EPB41L3: variants seen among roughly 807,000 people sequenced by gnomAD.
The protein encoded by EPB41L3 is band 4.1-like protein 3.
A neutral mutation model predicts 127.1 loss-of-function variants in EPB41L3; 57 were observed. The ratio of observed to expected loss-of-function variants is 0.45; its 90% CI spans 0.36 to 0.56. The LOEUF is 0.56. Ranked by LOEUF, EPB41L3 falls within the 20% of genes least tolerant of loss-of-function variation. The pLI is 0.00. For synonymous variants in EPB41L3, 572 were observed against 549.5 expected (o/e 1.04, Z -0.57); for missense variants, 1,273 against 1,372.2 (o/e 0.93, Z 1.14).
chr18:5,599,966 C>A (rs1172020217), intron 3 of EPB41L3, among the ~76,000 whole-genome samples: 3 of 152,062 alleles, frequency 2.0e-5, no homozygotes, highest in Non-Finnish European at 2.9e-5. Context: ...AAATTGAATA[C>A]CGTGATACAG....
rs2094849288 is a variant in EPB41L3, at chr18:5,620,594, T to C, written c.-467-6171A>G. Among the ~76,000 whole-genome samples the C allele has an allele frequency of 4.6e-5, 7 of 152,326 alleles. No homozygotes were observed. In the South Asian group the frequency reaches 1.5e-3, roughly 32 times the overall value. On this transcript the variant is annotated intron_variant, in intron 1 of 21. Coordinates refer to the EPB41L3 transcript ENST00000545076. The stretch of plus-strand genomic sequence containing the variant: ...AAATTACTCATCCTTTATAATAATG[T>C]AGATGATGTTGTAACATGACAATAT...
chr18:5,395,772 CG>C, intron 19 of EPB41L3, 65 bp from the exon 20 acceptor site: 1 of 1,296,914 alleles, frequency 7.7e-7, no homozygotes. Context: ...AAGTTGGCTA[CG>C]TTATTTAAGG....
intron 1 of EPB41L3, among the ~76,000 whole-genome samples, chr18:5,533,602 C>CAGGA (rs1678551401): frequency 6.6e-6 from 1 of 152,096 alleles, no homozygotes; most frequent in Non-Finnish European, 1.5e-5. Flanking sequence ...TTTTGACCAG[C>CAGGA]AGGATCACAT....
chr18:5,584,061 C>A (rs983464374), intron 3 of EPB41L3, among the ~76,000 whole-genome samples: 1 of 152,206 alleles, frequency 6.6e-6, no homozygotes, highest in South Asian at 2.1e-4. Context: ...GCCTGCCTCC[C>A]AAAGTGCTAG....
chr18:5,544,952 ATTT>A (rs533954383), upstream of EPB41L3, among the ~76,000 whole-genome samples: 1,005 of 152,208 alleles, frequency 6.6e-3, 15 homozygotes, highest in African/African-American at 0.023. Flanking sequence ...AAAATATTAA[ATTT>A]TTTTAATTTT....
At chr18:5,524,119 G>A (rs373497131) in intron 1 of EPB41L3, among the ~76,000 whole-genome samples, 1 of 151,748 alleles carries the variant, frequency 6.6e-6, no homozygotes, top group Non-Finnish European at 1.5e-5. Context: ...GCACAGAGAT[G>A]TTATTTAACT....
Position 5,563,570 on chromosome 18 carries a change from G to A in EPB41L3, c.-306+48770C>T, listed in dbSNP as rs530575837. Reference sequence around the variant, plus strand: ...CAGGAGGAAAAAACTGACAGGACTTGACGTCCCATTACTTGACACATAGCC... The same window carrying A: ...CAGGAGGAAAAAACTGACAGGACTTAACGTCCCATTACTTGACACATAGCC... On this transcript the variant is annotated intron_variant, in intron 3 of 21. Coordinates refer to the EPB41L3 transcript ENST00000545076. Among the ~76,000 whole-genome samples the A allele has an allele frequency of 6.2e-4, 95 of 152,284 alleles. No individual in the cohort carries two copies. The South Asian group carries it at 0.019, about 31-fold the overall frequency.
intron 1 of EPB41L3, among the ~76,000 whole-genome samples, chr18:5,514,756 G>A (rs140129915): frequency 1.3e-5 from 2 of 152,200 alleles, no homozygotes; most frequent in African/African-American, 4.8e-5. Context: ...AAAAATAGAC[G>A]AAATGTTTCT....
chr18:5,564,965 T>C (rs554056441), intron 3 of EPB41L3, among the ~76,000 whole-genome samples: 1 of 152,288 alleles, frequency 6.6e-6, no homozygotes, highest in South Asian at 2.1e-4. Context: ...AATGAGAACT[T>C]TTCCCTCAAA....
chr18:5,500,162 C>G (rs1170881345), intron 1 of EPB41L3, among the ~76,000 whole-genome samples: 1 of 152,092 alleles, frequency 6.6e-6, no homozygotes, highest in Non-Finnish European at 1.5e-5. Context: ...ATATAAATGT[C>G]CAACCCTGTT....
chr18:5,399,668 T>C (rs1025088081), intron 16 of EPB41L3: 55 of 272,194 alleles, frequency 2.0e-4, no homozygotes, highest in Admixed American at 1.4e-3. Context: ...GCTCTTATGA[T>C]AAATTTTGGA....
intron 1 of EPB41L3, chr18:5,540,533 C>T (rs2093689199): frequency 1.0e-6 from 1 of 985,352 alleles, no homozygotes; most frequent in African/African-American, 1.7e-5. Flanking sequence ...CAGAATTCCC[C>T]ACAGCCAAGG....
At chr18:5,541,152 T>C (rs1281491259) in intron 1 of EPB41L3, among the ~76,000 whole-genome samples, 42 of 135,192 alleles carry the variant, frequency 3.1e-4, no homozygotes, top group South Asian at 9.3e-4. Flanking sequence ...ACTCGGGAGG[T>C]TGAGGCAAAA....
chr18:5,630,507 G>A (rs767768067), upstream of EPB41L3: 34 of 518,480 alleles, frequency 6.6e-5, no homozygotes, highest in Non-Finnish European at 1.2e-4. Context: ...TCCCTCCGCA[G>A]GGGCTCTTTC....
chr18:5,528,324 A>G (rs888647559), intron 1 of EPB41L3, among the ~76,000 whole-genome samples: 1 of 151,980 alleles, frequency 6.6e-6, no homozygotes, highest in Non-Finnish European at 1.5e-5. Flanking sequence ...GGCACACACC[A>G]CCACGCCTGG....
chr18:5,407,740 C>T lies in EPB41L3; in HGVS notation c.2122-4G>A. ...CTGCATCTTCCTCCTGGTCCGACTG[C>T]CAGCATCAAGAAAGAGTGGGAAATA... On this transcript the variant is annotated splice_polypyrimidine_tract_variant and splice_region_variant and intron_variant, in intron 14 of 22. Coordinates refer to ENST00000341928, the MANE Select transcript of EPB41L3 (RefSeq NM_012307.5). 2 of 1,613,854 alleles carry T rather than the reference C, an allele frequency of 1.2e-6. No homozygotes were observed. The highest frequency in any genetic ancestry group is 1.7e-6 in the Non-Finnish European group (2 of 1,179,820).
intron 3 of EPB41L3, among the ~76,000 whole-genome samples, chr18:5,566,855 G>A (rs1397434207): frequency 6.6e-6 from 1 of 150,788 alleles, no homozygotes; most frequent in Admixed American, 6.6e-5. Flanking sequence ...GCCCAGGCTT[G>A]AGAGTGCAGT....
Position 5,443,821 on chromosome 18 carries a change from A to T in EPB41L3, c.529+17T>A. The T allele has an allele frequency of 6.2e-7, 1 of 1,606,746 alleles. No individual in the cohort carries two copies. Among genetic ancestry groups the T allele is most frequent in the Non-Finnish European group, 8.5e-7 (1 of 1,176,318 alleles). On this transcript the variant is annotated intron_variant, in intron 5 of 22. Coordinates refer to ENST00000341928, the MANE Select transcript of EPB41L3 (RefSeq NM_012307.5). ...AAACCTTCACATTTCCACAAAAAAT[A>T]ATCCAAAAGAACTTACTTCGAACCT... is the stretch of plus-strand genomic sequence containing the variant.
At chr18:5,472,391 C>T (rs983113338) in intron 3 of EPB41L3, among the ~76,000 whole-genome samples, 2 of 152,302 alleles carry the variant, frequency 1.3e-5, no homozygotes, top group Admixed American at 1.3e-4. Flanking sequence ...GAAATTACTG[C>T]TGCTGCTGGA....
Sources: allele counts gnomAD v4.1 joint callset (sites outside exome capture counted in the v4.1 genomes callset), GRCh38; gene constraint gnomAD v4.1.1; transcripts MANE v1.5; gene names NCBI Gene and HGNC (gene_info 2026-07-23, HGNC 2026-07-21).